The following MINDY4B variants were observed in gnomAD, a reference collection of about 807,000 sequenced individuals.
The protein encoded by MINDY4B is inactive ubiquitin carboxyl-terminal hydrolase MINDY-4B.
A neutral mutation model predicts 16.7 loss-of-function variants in MINDY4B; 25 were observed. The observed-to-expected ratio is 1.49, with a 90% CI of 1.09 to 2.09. The LOEUF (loss-of-function observed/expected upper bound fraction) is 2.09, where lower values mean the gene tolerates loss of function less well. Among genes scored for constraint, MINDY4B ranks in the 30% most tolerant of loss-of-function variants. The pLI is 0.00. For missense variants in MINDY4B, 327 were observed against 168.4 expected (o/e 1.94, Z -5.21); for synonymous variants, 132 against 61.9 (o/e 2.13, Z -5.32).
chr3:150,885,763 G>T (rs1447065716), intron 7 of MINDY4B, among the ~76,000 whole-genome samples: 2 of 152,066 alleles, frequency 1.3e-5, no homozygotes, highest in Non-Finnish European at 2.9e-5. Flanking sequence ...TGCTGCCCTT[G>T]GCTGCCCTCT....
chr3:150,898,977 T>C (rs1384183616), intron 3 of MINDY4B, among the ~76,000 whole-genome samples: 2 of 152,160 alleles, frequency 1.3e-5, no homozygotes, highest in African/African-American at 4.8e-5. Context: ...CTTCTTGCCT[T>C]ATGAATTACT....
intron 3 of MINDY4B, among the ~76,000 whole-genome samples, 178 bp from the exon 4 acceptor site, chr3:150,894,483 C>T (rs1373421): frequency 0.02 from 3,119 of 152,290 alleles, 111 homozygotes; most frequent in African/African-American, 0.072. Flanking sequence ...GATGTCTAGA[C>T]AACGTTTGTC....
At chr3:150,901,905 T>A in intron 3 of MINDY4B, among the ~76,000 whole-genome samples, 1 of 151,922 alleles carries the variant, frequency 6.6e-6, no homozygotes, top group East Asian at 1.9e-4. Context: ...TGGAGAAAGT[T>A]ATTTGGTGAA....
chr3:150,880,339 G>A (rs560752730), intron 10 of MINDY4B, among the ~76,000 whole-genome samples: 74 of 150,698 alleles, frequency 4.9e-4, no homozygotes, highest in African/African-American at 1.7e-3. Flanking sequence ...GTGTGTGTGT[G>A]TGGATGCGCA....
intron 5 of MINDY4B, among the ~76,000 whole-genome samples, chr3:150,892,865 G>A (rs1173388910): frequency 1.3e-5 from 2 of 151,738 alleles, no homozygotes; most frequent in Non-Finnish European, 2.9e-5. Flanking sequence ...ACTTGAACCT[G>A]GGAGGCGGAG....
chr3:150,891,896 G>C (rs565278225), intron 5 of MINDY4B, among the ~76,000 whole-genome samples: 135 of 152,214 alleles, frequency 8.9e-4, no homozygotes, highest in African/African-American at 3.0e-3. Flanking sequence ...GCTCAGGAAG[G>C]CTTCGTGCAG....
chr3:150,876,708 T>C (rs1711497436), intron 10 of MINDY4B, among the ~76,000 whole-genome samples: 1 of 152,182 alleles, frequency 6.6e-6, no homozygotes, highest in Admixed American at 6.5e-5. Flanking sequence ...AAGGTATGAC[T>C]GGGATAGTGA....
intron 3 of MINDY4B, among the ~76,000 whole-genome samples, chr3:150,900,373 G>T (rs369684108): frequency 2.6e-5 from 4 of 152,224 alleles, no homozygotes; most frequent in Non-Finnish European, 2.9e-5. Context: ...TCCAAACAGA[G>T]AAGAGAAAAG....
At chr3:150,886,979 TC>T (rs1392847596) in intron 7 of MINDY4B, among the ~76,000 whole-genome samples, 1 of 152,218 alleles carries the variant, frequency 6.6e-6, no homozygotes, top group African/African-American at 2.4e-5. Flanking sequence ...TAGTACCAAA[TC>T]CTGTATATAT....
chr3:150,874,498 CTG>C (rs1263090617), intron 10 of MINDY4B, among the ~76,000 whole-genome samples: 1 of 151,932 alleles, frequency 6.6e-6, no homozygotes, highest in African/African-American at 2.4e-5. Flanking sequence ...TTTATTGAAA[CTG>C]TTTTTAAAAA....
At chr3:150,873,097 G>T in intron 11 of MINDY4B, 90 bp downstream of exon 11, 1 of 607,650 alleles carries the variant, frequency 1.6e-6, no homozygotes, top group Non-Finnish European at 3.0e-6. Context: ...TGTGGAGCTA[G>T]CATGAATATC....
intron 5 of MINDY4B, among the ~76,000 whole-genome samples, chr3:150,891,831 A>T (rs1711817421): frequency 6.6e-6 from 1 of 151,800 alleles, no homozygotes; most frequent in Non-Finnish European, 1.5e-5. Context: ...ATAGAATGAG[A>T]ATAACAGAGT....
At chr3:150,891,138 G>T in intron 5 of MINDY4B, 35 bp from the exon 6 acceptor site, 1 of 685,258 alleles carries the variant, frequency 1.5e-6, no homozygotes, top group South Asian at 1.5e-5. Context: ...GAAACCATTG[G>T]AATGAACATC....
At chr3:150,889,369 G>T (rs1353156828) in intron 7 of MINDY4B, among the ~76,000 whole-genome samples, 1 of 152,216 alleles carries the variant, frequency 6.6e-6, no homozygotes, top group African/African-American at 2.4e-5. Context: ...AAGGGCAGGG[G>T]GCACTCTTCT....
At chr3:150,891,687 G>A (rs965352682) in intron 5 of MINDY4B, among the ~76,000 whole-genome samples, 6 of 150,490 alleles carry the variant, frequency 4.0e-5, no homozygotes, top group African/African-American at 1.2e-4. Flanking sequence ...GTTTGAACCC[G>A]GGAGTCAGAG....
chr3:150,897,253 T>G (rs1389264172), intron 3 of MINDY4B, among the ~76,000 whole-genome samples: 1 of 151,894 alleles, frequency 6.6e-6, no homozygotes, highest in Non-Finnish European at 1.5e-5. Context: ...GAGAAAGATC[T>G]ACAAACATGC....
intron 10 of MINDY4B, among the ~76,000 whole-genome samples, chr3:150,874,808 T>A (rs1717054402): frequency 6.6e-6 from 1 of 152,260 alleles, no homozygotes; most frequent in East Asian, 1.9e-4. Context: ...AATAACTCTA[T>A]TCAAATCTTT....
chr3:150,900,609 C>T (rs1712091445), intron 3 of MINDY4B, among the ~76,000 whole-genome samples: 2 of 152,116 alleles, frequency 1.3e-5, no homozygotes, highest in Admixed American at 6.5e-5. Flanking sequence ...TCATCTGGCC[C>T]ATATAATGGG....
At chr3:150,877,703 A>G (rs1711498933) in intron 10 of MINDY4B, among the ~76,000 whole-genome samples, 1 of 152,182 alleles carries the variant, frequency 6.6e-6, no homozygotes, top group Non-Finnish European at 1.5e-5. Context: ...ACTCTAACCT[A>G]GAAGTCAGTG....
Sources: gnomAD v4.1 joint callset for allele counts (sites outside exome capture counted in the v4.1 genomes callset) on GRCh38, gnomAD v4.1.1 for gene constraint, MANE v1.5 for transcripts, NCBI Gene and HGNC (gene_info 2026-07-23, HGNC 2026-07-21) for gene names.